P2RX1: variants seen among roughly 807,000 people sequenced by gnomAD.
P2RX1 encodes the protein P2X purinoceptor 1.
A neutral mutation model predicts 50.3 loss-of-function variants in P2RX1; 42 were observed. The observed-to-expected ratio is 0.83, with a 90% confidence interval of 0.65 to 1.08. The LOEUF (loss-of-function observed/expected upper bound fraction) is 1.08, where lower values mean the gene tolerates loss of function less well. Among genes scored for constraint, P2RX1 ranks in the 50% least tolerant of loss-of-function variants. The pLI is 0.00. For synonymous variants in P2RX1, 199 were observed against 202.6 expected, an observed-to-expected ratio of 0.98 and a Z score of 0.15; for missense variants, 449 against 529.0, an observed-to-expected ratio of 0.85 and a Z score of 1.48.
chr17:3,908,293 G>A (rs533957223), intron 1 of P2RX1, among the ~76,000 whole-genome samples: 12 of 152,318 alleles, frequency 7.9e-5, no homozygotes, highest in African/African-American at 2.6e-4. Context: ...GGGCGCGGTG[G>A]CTCATGCCTG....
intron 3 of P2RX1, 63 bp from the exon 4 acceptor site, chr17:3,904,462 TC>T: frequency 7.0e-7 from 1 of 1,429,924 alleles, no homozygotes; most frequent in Non-Finnish European, 9.8e-7. Context: ...AGAGCCCCTC[TC>T]CCCACCCCCC....
intron 1 of P2RX1, among the ~76,000 whole-genome samples, chr17:3,910,268 C>T (rs1423829436): frequency 6.6e-6 from 1 of 152,210 alleles, no homozygotes; most frequent in Admixed American, 6.5e-5. Context: ...AGCCACTGTG[C>T]CCGGCCTACG....
intron 7 of P2RX1, among the ~76,000 whole-genome samples, chr17:3,902,148 G>A (rs923534354): frequency 6.6e-5 from 10 of 151,980 alleles, no homozygotes; most frequent in East Asian, 1.9e-4. Context: ...TTTTTGAGAC[G>A]GAGTCATTCT....
chr17:3,905,129 C>G (rs554355450), intron 2 of P2RX1, 91 bp downstream of exon 2: 2 of 1,524,640 alleles, frequency 1.3e-6, no homozygotes, highest in Non-Finnish European at 1.8e-6. Flanking sequence ...GAAAGAGGAG[C>G]TGGGCTGGTC....
chr17:3,898,894 A>G (rs769152780), intron 9 of P2RX1, 40 bp downstream of exon 9: 2 of 1,459,220 alleles, frequency 1.4e-6, no homozygotes, highest in Non-Finnish European at 9.6e-7. Context: ...GGAGCTGAGA[A>G]TGTGTCTCAG....
In P2RX1 at chr17:3,916,184, G is replaced by A. The variant is rs753079336; in HGVS notation, c.42C>T (p.Phe14=). Residue 14 remains phenylalanine, a synonymous_variant, in exon 1 of 12, where the codon TTC becomes TTT. Coordinates refer to ENST00000225538, the MANE Select transcript of P2RX1 (RefSeq NM_002558.4). ...GCACCATGCGGGGGGTGTCATACTCGAAGAGGAAGGCGGCCAGCTCCTCCT... is the reference window on the plus strand; with the variant it reads ...GCACCATGCGGGGGGTGTCATACTCAAAGAGGAAGGCGGCCAGCTCCTCCT... The part of the protein sequence containing the change: ...RFQEELAAFL[F]EYDTPRMVLV... 2.0e-5 allele frequency: 32 copies of A among 1,613,256 alleles called. No individual in the cohort carries two copies. The highest frequency in any genetic ancestry group is 2.4e-5 in the Non-Finnish European group (28 of 1,180,004).
intron 1 of P2RX1, among the ~76,000 whole-genome samples, chr17:3,906,858 G>T (rs560607893): frequency 1.4e-4 from 21 of 152,322 alleles, no homozygotes; most frequent in Admixed American, 3.9e-4. Flanking sequence ...CTAAGGACAC[G>T]CACATGACCT....
At position 3,903,973 on chromosome 17, in the gene P2RX1, T is replaced by G; in HGVS notation, c.479A>C (p.Glu160Ala). The change falls in exon 5 of 12, where the codon GAG (glutamate) becomes GCG (alanine). Residue 160 changes from glutamate to alanine, a missense_variant. Transcript: ENST00000225538. The surrounding 1 kb of genome is among the most constrained non-coding windows in gnomAD (Gnocchi z 4.6). ...CTCCACGGGGCACCAGCCAAAGATC[T>G]CACACGTCTTCACAGTGTCGTTGAA... ...VAFNDTVKTC[E>A]IFGWCPVEVD... 6.2e-7 allele frequency: 1 copy of G among 1,614,096 alleles called. No individual in the cohort carries two copies. The highest frequency in any genetic ancestry group is 8.5e-7 in the Non-Finnish European group (1 of 1,179,998).
chr17:3,897,857 G>A lies in P2RX1; in HGVS notation c.1157C>T (p.Thr386Ile), dbSNP rs965480781. 8 of 1,613,698 alleles carry A rather than the reference G, an allele frequency of 5.0e-6. No homozygotes were observed. Among genetic ancestry groups the A allele is most frequent in the African/African-American group, 4.0e-5 (3 of 74,890 alleles). The change falls in exon 12 of 12, where the codon ACC (threonine) becomes ATC (isoleucine). Residue 386 changes from threonine to isoleucine, a missense_variant. Physicochemically the swap from Thr to Ile is moderately conservative, Grantham distance 89. Coordinates refer to ENST00000225538, the MANE Select transcript of P2RX1 (RefSeq NM_002558.4). ...PGAAERDLAA[T>I]SSTLGLQENM... ...CTCCTGCAGGCCCAGGGTGGAGCTG[G>A]TAGCTGCGAGGTCACGCTCAGCCTG...
intron 3 of P2RX1, 154 bp downstream of exon 3, chr17:3,904,704 C>A: frequency 1.5e-6 from 1 of 673,916 alleles, no homozygotes; most frequent in Non-Finnish European, 2.7e-6. Context: ...CAAGGGTTGA[C>A]AGTTGCTGTG....
intron 7 of P2RX1, among the ~76,000 whole-genome samples, chr17:3,900,361 G>C (rs2056115303): frequency 6.6e-6 from 1 of 151,788 alleles, no homozygotes; most frequent in Non-Finnish European, 1.5e-5. Context: ...GGCTGAGGCA[G>C]GAGAATCATT....
chr17:3,904,706 G>A, intron 3 of P2RX1, 152 bp downstream of exon 3: 3 of 676,414 alleles, frequency 4.4e-6, no homozygotes, highest in Non-Finnish European at 8.0e-6. Flanking sequence ...AGGGTTGACA[G>A]TTGCTGTGTG....
intron 7 of P2RX1, among the ~76,000 whole-genome samples, chr17:3,900,626 T>C (rs1217839413): frequency 6.6e-6 from 1 of 152,202 alleles, no homozygotes; most frequent in African/African-American, 2.4e-5. Flanking sequence ...TTCGCCCTGC[T>C]CTTGTAACCC....
Position 3,916,363 on chromosome 17 carries a change from G to A in P2RX1, c.-138C>T. 1.1e-6 allele frequency: 1 copy of A among 951,244 alleles called. No individual in the cohort carries two copies. The highest frequency in any genetic ancestry group is 2.5e-5 in the East Asian group (1 of 40,036). The allele number at this position is 951,244 out of a possible 1,614,324, so 58.9% of individuals were successfully genotyped here. Reference sequence around the variant, plus strand: ...TTAGGAAGAGCAGGGCGGTGCAGGTGGAGCCAGAGGACAGGAGCCAGAGGT... The same window carrying A: ...TTAGGAAGAGCAGGGCGGTGCAGGTAGAGCCAGAGGACAGGAGCCAGAGGT... On this transcript the variant is annotated 5_prime_UTR_variant, in exon 1 of 12. Transcript: ENST00000225538.
At position 3,903,149 on chromosome 17, in the gene P2RX1, A is replaced by G. The variant is rs187209828; in HGVS notation, c.747+53T>C. The G allele has an allele frequency of 6.2e-7, 1 of 1,611,824 alleles. No individual in the cohort carries two copies. The highest frequency in any genetic ancestry group is 1.3e-5 in the African/African-American group (1 of 75,006). On this transcript the variant is annotated intron_variant, in intron 7 of 11. Transcript: ENST00000225538. The surrounding 1 kb of genome is among the most constrained non-coding windows in gnomAD (Gnocchi z 4.6). ...GATGAACTGGGCCTAAAAAGCCTTT[A>G]TCAGGATCCTGCGGCCCAGCCCTCC...
chr17:3,903,348 G>A lies in P2RX1; in HGVS notation c.606-5C>T, dbSNP rs750752218. ...ACCTCCTCCACCAGGTTGCGCCTGT[G>A]GGGGTGGAAGGTGTTGACAGCTGCT... is the stretch of plus-strand genomic sequence containing the variant. On this transcript the variant is annotated splice_region_variant and splice_polypyrimidine_tract_variant and intron_variant, in intron 6 of 11. Coordinates refer to ENST00000225538, the MANE Select transcript of P2RX1 (RefSeq NM_002558.4). The surrounding 1 kb of genome is among the most constrained non-coding windows in gnomAD (Gnocchi z 4.6). 1.9e-6 allele frequency: 3 copies of A among 1,614,002 alleles called. No homozygotes were observed. Among genetic ancestry groups the A allele is most frequent in the Admixed American group, 1.7e-5 (1 of 60,016 alleles).
At chr17:3,907,476 C>A (rs562300428) in intron 1 of P2RX1, among the ~76,000 whole-genome samples, 230 of 152,194 alleles carry the variant, frequency 1.5e-3, no homozygotes, top group South Asian at 3.7e-3. Flanking sequence ...TGCTCCTTCC[C>A]CCAGGGCTCA....
Position 3,903,052 on chromosome 17 carries a change from A to G in P2RX1, c.747+150T>C. 1.0e-6 allele frequency: 1 copy of G among 992,626 alleles called. No homozygotes were observed. 61.5% of individuals were successfully genotyped at this position (992,626 alleles called of 1,614,324 possible). On this transcript the variant is annotated intron_variant, in intron 7 of 11. Transcript: ENST00000225538. The surrounding 1 kb of genome is among the most constrained non-coding windows in gnomAD (Gnocchi z 4.6). ...AGGACCTGCTGAAGACATGGATCTG[A>G]CGCTCAGGGGGCCCCAGTATCAGGG...
chr17:3,905,674 C>T (rs1298091125), intron 1 of P2RX1, among the ~76,000 whole-genome samples: 1 of 152,080 alleles, frequency 6.6e-6, no homozygotes, highest in African/African-American at 2.4e-5. Context: ...ATGATGAAAT[C>T]TGTCTCTACT....
Sources: allele counts gnomAD v4.1 joint callset (sites outside exome capture counted in the v4.1 genomes callset), GRCh38; gene constraint gnomAD v4.1.1; non-coding constraint Gnocchi (gnomAD v3.1); transcripts MANE v1.5; gene names NCBI Gene and HGNC (gene_info 2026-07-23, HGNC 2026-07-21).